Variants in TENM3 observed in about 807,000 individuals in gnomAD.
TENM3 encodes teneurin transmembrane protein 3, also known as teneurin-3.
Under a neutral mutation model 255.1 loss-of-function variants are expected in TENM3, and 63 were observed. The ratio of observed to expected loss-of-function variants is 0.25; its 90% CI spans 0.20 to 0.30. The LOEUF (loss-of-function observed/expected upper bound fraction) is 0.30, where lower values mean the gene tolerates loss of function less well. Ranked by LOEUF, TENM3 falls within the 10% of genes least tolerant of loss-of-function variation. The pLI is 1.00. For missense variants in TENM3, 2,929 were observed against 3,461.1 expected (o/e 0.85, Z 3.86); for synonymous variants, 1,306 against 1,322.3 (o/e 0.99, Z 0.27).
At chr4:182,456,847 C>T (rs62337164) in intron 3 of TENM3, among the ~76,000 whole-genome samples, 9,165 of 152,078 alleles carry the variant, frequency 0.06, 427 homozygotes, top group African/African-American at 0.12. Flanking sequence ...AAAGAAACTC[C>T]GTATTTCTGC....
intron 1 of TENM3, among the ~76,000 whole-genome samples, chr4:182,252,627 T>G (rs1395795225): frequency 6.6e-6 from 1 of 152,198 alleles, no homozygotes; most frequent in Non-Finnish European, 1.5e-5. Flanking sequence ...TAGAGGCTTA[T>G]CCTACTCACA....
At chr4:182,231,577 A>G (rs111786792) in intron 1 of TENM3, among the ~76,000 whole-genome samples, 1 of 152,198 alleles carries the variant, frequency 6.6e-6, no homozygotes, top group Non-Finnish European at 1.5e-5. Flanking sequence ...CCTGGCCAGC[A>G]GTAGAAGGTT....
chr4:181,507,265 CA>C, the TENM3 span, among the ~76,000 whole-genome samples: 15 of 152,302 alleles, frequency 9.8e-5, no homozygotes, highest in African/African-American at 2.9e-4. Context: ...AAGAAGCTAA[CA>C]TCAACAATTC....
At chr4:181,538,438 T>G in the TENM3 span, among the ~76,000 whole-genome samples, 3 of 151,324 alleles carry the variant, frequency 2.0e-5, no homozygotes. Context: ...AATACTGGAG[T>G]ACTCTATGAA....
the TENM3 span, among the ~76,000 whole-genome samples, chr4:181,892,345 T>C: frequency 1.3e-5 from 2 of 152,198 alleles, no homozygotes; most frequent in Non-Finnish European, 2.9e-5. Flanking sequence ...GTTACTCTAA[T>C]TTACCATCAT....
intron 3 of TENM3, among the ~76,000 whole-genome samples, chr4:182,509,673 C>T (rs181807550): frequency 2.6e-5 from 4 of 152,232 alleles, no homozygotes; most frequent in African/African-American, 4.8e-5. Context: ...CGCAGTGGCT[C>T]ACACCTGTAA....
chr4:182,294,984 C>A (rs1207082977), intron 1 of TENM3, among the ~76,000 whole-genome samples: 1 of 141,452 alleles, frequency 7.1e-6, no homozygotes, highest in East Asian at 1.9e-4. Flanking sequence ...CATTTAATGG[C>A]CCATAAAATG....
the TENM3 span, among the ~76,000 whole-genome samples, chr4:181,734,467 A>G: frequency 7.2e-5 from 11 of 152,180 alleles, no homozygotes; most frequent in Admixed American, 7.2e-4. Context: ...AGTACTAACA[A>G]TGGAGGAAGT....
At chr4:182,600,208 T>C (rs768032903) in intron 3 of TENM3, among the ~76,000 whole-genome samples, 2 of 152,196 alleles carry the variant, frequency 1.3e-5, no homozygotes, top group Non-Finnish European at 2.9e-5. Context: ...TACTGTGAAA[T>C]TGGAAAATCT....
the TENM3 span, among the ~76,000 whole-genome samples, chr4:182,007,862 T>C: frequency 6.6e-6 from 1 of 152,236 alleles, no homozygotes; most frequent in Non-Finnish European, 1.5e-5. Context: ...TGGCTGCTAC[T>C]GGTTTTTCCT....
chr4:182,076,171 G>A, the TENM3 span, among the ~76,000 whole-genome samples: 1 of 150,934 alleles, frequency 6.6e-6, no homozygotes, highest in Non-Finnish European at 1.5e-5. Context: ...GGGATTATAG[G>A]CATGAGCCAC....
At chr4:181,905,072 A>G in the TENM3 span, among the ~76,000 whole-genome samples, 2 of 152,160 alleles carry the variant, frequency 1.3e-5, no homozygotes, top group African/African-American at 4.8e-5. Flanking sequence ...AAAAAAGTCA[A>G]AAAGGTTTCT....
chr4:182,397,030 G>C (rs185611361), intron 3 of TENM3, among the ~76,000 whole-genome samples: 1 of 151,598 alleles, frequency 6.6e-6, no homozygotes, highest in Non-Finnish European at 1.5e-5. Flanking sequence ...ATGAAAAGCC[G>C]TAAGTTTAAT....
chr4:181,688,986 A>G, the TENM3 span, among the ~76,000 whole-genome samples: 1 of 152,012 alleles, frequency 6.6e-6, no homozygotes, highest in African/African-American at 2.4e-5. Flanking sequence ...TCCCCCATTC[A>G]CTTTGCTGCT....
the TENM3 span, among the ~76,000 whole-genome samples, chr4:181,541,257 C>T: frequency 0.044 from 6,702 of 152,162 alleles, 225 homozygotes; most frequent in South Asian, 0.15. Context: ...GTGGCATGCA[C>T]TTGTATTCCT....
At chr4:181,598,231 A>T in the TENM3 span, among the ~76,000 whole-genome samples, 1 of 152,204 alleles carries the variant, frequency 6.6e-6, no homozygotes, top group African/African-American at 2.4e-5. Flanking sequence ...ACAAAATTCA[A>T]CAAACTGCTA....
chr4:182,129,738 G>C, the TENM3 span, among the ~76,000 whole-genome samples: 7 of 152,076 alleles, frequency 4.6e-5, no homozygotes, highest in South Asian at 6.2e-4. Context: ...ATAGGTAAAA[G>C]TATGCATTAG....
rs964272178 is a variant in TENM3, at chr4:182,801,976, ACACT to A, written c.*1626_*1629del. The A allele has an allele frequency of 8.5e-5, 13 of 152,780 alleles. No individual in the cohort carries two copies. Among genetic ancestry groups the A allele is most frequent in the African/African-American group, 2.6e-4 (11 of 41,584 alleles). The allele number at this position is 152,780 out of a possible 1,614,324, so 9.5% of individuals were successfully genotyped here. ...TTCTCAGTTCATCGAGCTATAGTAC[ACACT>A]GTTTTCCTCTATGTATAATGGTGAT... On this transcript the variant is annotated 3_prime_UTR_variant, in exon 28 of 28. Transcript: ENST00000511685.
chr4:181,731,942 A>G, the TENM3 span, among the ~76,000 whole-genome samples: 2 of 152,230 alleles, frequency 1.3e-5, no homozygotes, highest in African/African-American at 4.8e-5. Context: ...AAGGGACCAT[A>G]AGATGAATGG....
Sources: allele counts gnomAD v4.1 joint callset (sites outside exome capture counted in the v4.1 genomes callset), GRCh38; gene constraint gnomAD v4.1.1; transcripts MANE v1.5; gene names NCBI Gene and HGNC (gene_info 2026-07-23, HGNC 2026-07-21).